The following SLC22A4 variants were observed in gnomAD, a reference collection of about 807,000 sequenced individuals.
SLC22A4 encodes the protein ET transporter.
A neutral mutation model predicts 56.6 loss-of-function variants in SLC22A4; 39 were observed. The ratio of observed to expected loss-of-function variants is 0.69; its 90% CI spans 0.53 to 0.90. SLC22A4 has a LOEUF of 0.90. Among genes scored for constraint, SLC22A4 ranks in the 40% least tolerant of loss-of-function variants. The pLI, the probability that SLC22A4 is intolerant of heterozygous loss-of-function variation, is 0.00. For missense variants in SLC22A4, 594 were observed against 696.5 expected, an observed-to-expected ratio of 0.85 and a Z score of 1.66; for synonymous variants, 241 against 281.4, an observed-to-expected ratio of 0.86 and a Z score of 1.44.
Position 132,294,790 on chromosome 5 carries a change from G to A in SLC22A4, c.174G>A (p.Leu58=), listed in dbSNP as rs1420103827. 2 of 1,613,092 alleles carry A rather than the reference G, an allele frequency of 1.2e-6. No individual in the cohort carries two copies. Among genetic ancestry groups the A allele is most frequent in the Non-Finnish European group, 8.5e-7 (1 of 1,180,006 alleles). ...HRCRVPDAAN[L]SSAWRNNSVP... ...GTCGAGTGCCGGACGCCGCGAACCT[G>A]AGCAGCGCCTGGCGCAACAACAGTG... Residue 58 remains leucine, a synonymous_variant, in exon 1 of 10, where the codon CTG becomes CTA. Transcript: ENST00000200652. This position sits in a 1 kb window ranked among gnomAD's most constrained non-coding sequence, Gnocchi z 5.6.
At chr5:132,317,243 A>G (rs752071261) in intron 3 of SLC22A4, among the ~76,000 whole-genome samples, 1 of 152,258 alleles carries the variant, frequency 6.6e-6, no homozygotes, top group African/African-American at 2.4e-5. Flanking sequence ...TTTAAAGTGT[A>G]TAATTCAGTG....
chr5:132,322,056 G>A, intron 3 of SLC22A4, 128 bp from the exon 4 acceptor site: 4 of 853,454 alleles, frequency 4.7e-6, no homozygotes, highest in South Asian at 2.7e-5. Flanking sequence ...CCTGCTCTGG[G>A]CCATGAGGCA....
intron 1 of SLC22A4, among the ~76,000 whole-genome samples, chr5:132,310,862 T>C (rs1408903676): frequency 1.3e-5 from 2 of 152,200 alleles, no homozygotes; most frequent in Non-Finnish European, 2.9e-5. Flanking sequence ...AGAGCTGAGC[T>C]GCTGGGATAC....
At position 132,335,931 on chromosome 5, in the gene SLC22A4, A is replaced by C. The variant is rs1292333967; in HGVS notation, c.1375A>C (p.Met459Leu). The C allele has an allele frequency of 6.2e-7, 1 of 1,614,176 alleles. No homozygotes were observed. The highest frequency in any genetic ancestry group is 8.5e-7 in the Non-Finnish European group (1 of 1,180,024). Residue 459 changes from methionine (M) to leucine (L), a missense_variant, in exon 8 of 10, where the codon ATG becomes CTG. By Grantham distance (15) the Met-to-Leu change is conservative. Transcript: ENST00000200652. ...GCTCTACCCAACCCTGGTCAGGAAC[A>C]TGGCGGTGGGGGTCACATCCACGGC... Reference protein sequence around the residue: ...AELYPTLVRNMAVGVTSTASR... With the variant: ...AELYPTLVRNLAVGVTSTASR...
In SLC22A4 at chr5:132,294,691, C is replaced by T. The variant is rs971116318; in HGVS notation, c.75C>T (p.Leu25=). 6.2e-7 allele frequency: 1 copy of T among 1,614,220 alleles called. No homozygotes were observed. The highest frequency in any genetic ancestry group is 8.5e-7 in the Non-Finnish European group (1 of 1,180,042). The change falls in exon 1 of 10, where the codon CTC becomes CTT. Residue 25 remains leucine, a synonymous_variant. Transcript: ENST00000200652. The surrounding 1 kb of genome is among the most constrained non-coding windows in gnomAD (Gnocchi z 5.6). ...TCCAGCGCCTCATCTTCTTCCTGCT[C>T]AGCGCCAGCATCATCCCCAATGGCT... ...GPFQRLIFFL[L]SASIIPNGFN...
In SLC22A4 at chr5:132,334,942, T is replaced by C. The variant is rs909803579; in HGVS notation, c.1261+10T>C. Reference sequence around the variant, plus strand: ...CAACTGGTACCTGTGGGTAAGAAGTTAACCAAGATGAACAGCTTACCAGAA... The same window carrying C: ...CAACTGGTACCTGTGGGTAAGAAGTCAACCAAGATGAACAGCTTACCAGAA... On this transcript the variant is annotated intron_variant, in intron 7 of 9. Coordinates refer to ENST00000200652, the MANE Select transcript of SLC22A4 (RefSeq NM_003059.3). 1.3e-6 allele frequency: 2 copies of C among 1,589,064 alleles called. No individual in the cohort carries two copies. The highest frequency in any genetic ancestry group is 2.7e-5 in the African/African-American group (2 of 74,414).
intron 5 of SLC22A4, among the ~76,000 whole-genome samples, chr5:132,328,903 G>GTGTGTATATATATATATATA (rs1180080096): frequency 5.2e-5 from 5 of 96,438 alleles, no homozygotes; most frequent in African/African-American, 2.5e-4. Flanking sequence ...GTGTGTATGT[G>GTGTGTATATATATATATATA]TATATATATA....
intron 1 of SLC22A4, among the ~76,000 whole-genome samples, chr5:132,302,430 G>C (rs967632688): frequency 2.6e-5 from 4 of 152,108 alleles, no homozygotes; most frequent in African/African-American, 2.4e-5. Context: ...GGTGTGCCTT[G>C]TTTTCTAAAG....
At chr5:132,343,428 A>T (rs1751278489) in intron 9 of SLC22A4, among the ~76,000 whole-genome samples, 1 of 152,258 alleles carries the variant, frequency 6.6e-6, no homozygotes, top group Non-Finnish European at 1.5e-5. Context: ...TATAGCAAAA[A>T]GTGCCCATTG....
At chr5:132,308,950 T>C (rs1332131210) in intron 1 of SLC22A4, among the ~76,000 whole-genome samples, 1 of 152,222 alleles carries the variant, frequency 6.6e-6, no homozygotes, top group Non-Finnish European at 1.5e-5. Context: ...TGTGTGCATG[T>C]ATGTACAAAC....
chr5:132,326,415 CAAAGT>C (rs1277875595), intron 4 of SLC22A4, among the ~76,000 whole-genome samples: 2 of 152,114 alleles, frequency 1.3e-5, no homozygotes, highest in African/African-American at 4.8e-5. Flanking sequence ...TATGAGCACT[CAAAGT>C]AAGGTTTCTA....
At chr5:132,312,070 C>A in intron 1 of SLC22A4, 91 bp from the exon 2 acceptor site, 1 of 831,618 alleles carries the variant, frequency 1.2e-6, no homozygotes, top group South Asian at 1.3e-5. Flanking sequence ...AGAGTCTGCC[C>A]GCCAGCCGTG....
At chr5:132,320,496 C>G (rs1318187319) in intron 3 of SLC22A4, among the ~76,000 whole-genome samples, 1 of 152,116 alleles carries the variant, frequency 6.6e-6, no homozygotes, top group Non-Finnish European at 1.5e-5. Context: ...GAAGTCAGGC[C>G]CTATCCTTGG....
chr5:132,327,533 CATG>C (rs1237906258), intron 5 of SLC22A4, 130 bp downstream of exon 5: 3 of 717,296 alleles, frequency 4.2e-6, no homozygotes, highest in Admixed American at 4.4e-5. Context: ...GGAACACAAT[CATG>C]ATTAAATTCT....
At chr5:132,303,833 C>T (rs1396214521) in intron 1 of SLC22A4, among the ~76,000 whole-genome samples, 2 of 152,172 alleles carry the variant, frequency 1.3e-5, no homozygotes, top group African/African-American at 4.8e-5. Context: ...ATAAATGGGC[C>T]GCTTTCCCTG....
chr5:132,337,067 T>C (rs981955778), intron 8 of SLC22A4, among the ~76,000 whole-genome samples: 5 of 151,976 alleles, frequency 3.3e-5, no homozygotes, highest in African/African-American at 9.7e-5. Context: ...CATTCTCCTA[T>C]GCTCCTACAC....
chr5:132,321,470 A>G (rs1454462298), intron 3 of SLC22A4, among the ~76,000 whole-genome samples: 2 of 152,188 alleles, frequency 1.3e-5, no homozygotes, highest in Non-Finnish European at 2.9e-5. Flanking sequence ...TTGACCCCAC[A>G]TGGCCCCTCA....
intron 1 of SLC22A4, among the ~76,000 whole-genome samples, chr5:132,299,872 C>T (rs141637461): frequency 2.0e-5 from 3 of 152,258 alleles, no homozygotes; most frequent in African/African-American, 7.2e-5. Flanking sequence ...TTTAAATACG[C>T]GTTATGCATT....
At chr5:132,322,123 A>T in intron 3 of SLC22A4, 61 bp from the exon 4 acceptor site, 1 of 1,445,496 alleles carries the variant, frequency 6.9e-7, no homozygotes, top group Non-Finnish European at 9.7e-7. Context: ...CCACATAATG[A>T]TATAAAAAGC....
Sources: gnomAD v4.1 joint callset for allele counts (sites outside exome capture counted in the v4.1 genomes callset) on GRCh38, gnomAD v4.1.1 for gene constraint, Gnocchi (gnomAD v3.1) non-coding constraint, MANE v1.5 for transcripts, NCBI Gene and HGNC (gene_info 2026-07-23, HGNC 2026-07-21) for gene names.